Variants in PHLDB3 observed in about 807,000 individuals in gnomAD.
The protein encoded by PHLDB3 is pleckstrin homology-like domain family B member 3.
PHLDB3 carries 86 observed loss-of-function variants against 85.7 expected under a neutral mutation model. The observed-to-expected ratio is 1.00, with a 90% CI of 0.84 to 1.20. PHLDB3 has a LOEUF of 1.20. Ranked by LOEUF, PHLDB3 falls within the 50% of genes most tolerant of loss-of-function variation. PHLDB3 has a pLI of 0.00. For missense variants in PHLDB3, 995 were observed against 873.0 expected, an observed-to-expected ratio of 1.14 and a Z score of -1.76; for synonymous variants, 376 against 349.8, an observed-to-expected ratio of 1.07 and a Z score of -0.83.
At chr19:43,493,362 G>A (rs937947846) in intron 9 of PHLDB3, among the ~76,000 whole-genome samples, 6 of 150,972 alleles carry the variant, frequency 4.0e-5, no homozygotes, top group Admixed American at 6.6e-5. Context: ...GGACCCATGC[G>A]CGGTGGCTCA....
At chr19:43,502,646 G>A (rs1435088888) in intron 2 of PHLDB3, among the ~76,000 whole-genome samples, 9 of 144,414 alleles carry the variant, frequency 6.2e-5, no homozygotes, top group Non-Finnish European at 3.0e-5. Flanking sequence ...GGCAGAGAGG[G>A]GGCGATGCTA....
intron 3 of PHLDB3, 84 bp from the exon 4 acceptor site, chr19:43,501,955 G>A: frequency 1.3e-6 from 2 of 1,488,344 alleles, no homozygotes; most frequent in South Asian, 1.4e-5. Flanking sequence ...GATTCGAAGG[G>A]AGGATGGACT....
chr19:43,500,909 A>AC (rs1248570317), intron 4 of PHLDB3, among the ~76,000 whole-genome samples: 701 of 17,150 alleles, frequency 0.041, 77 homozygotes, highest in Admixed American at 0.04. Flanking sequence ...CGCCCCCCGT[A>AC]CCCCCCCCCC....
chr19:43,483,281 CT>C (rs995373217), intron 13 of PHLDB3, among the ~76,000 whole-genome samples: 163 of 145,146 alleles, frequency 1.1e-3, no homozygotes, highest in Admixed American at 1.2e-3. Context: ...ATCTATCATT[CT>C]TTTTTTTTTT....
intron 15 of PHLDB3, among the ~76,000 whole-genome samples, chr19:43,477,644 G>A (rs567690452): frequency 1.3e-5 from 2 of 150,124 alleles, no homozygotes; most frequent in Admixed American, 6.6e-5. Context: ...GTGAAACCCC[G>A]TCTCTACTAA....
At chr19:43,501,613 G>A (rs916697227) in intron 4 of PHLDB3, 121 bp downstream of exon 4, 1 of 1,474,474 alleles carries the variant, frequency 6.8e-7, no homozygotes, top group African/African-American at 1.4e-5. Context: ...ACTCTCTCAG[G>A]AGCCCAAATG....
intron 2 of PHLDB3, 122 bp from the exon 3 acceptor site, chr19:43,502,405 A>C: frequency 1.2e-6 from 1 of 803,306 alleles, no homozygotes; most frequent in Non-Finnish European, 1.9e-6. Context: ...CTTACCTAAC[A>C]CAACCACCAC....
Position 43,475,548 on chromosome 19 carries a change from G to A in PHLDB3, c.1789-4C>T. 1.1e-5 allele frequency: 17 copies of A among 1,613,822 alleles called. No individual in the cohort carries two copies. Among genetic ancestry groups the A allele is most frequent in the Non-Finnish European group, 1.4e-5 (17 of 1,179,826 alleles). Reference sequence around the variant, plus strand: ...AGGTCAGGCGGGGGTTGGGGCTCTGGAATAAGCAGAAAGTGAGGGTAATTC... The same window carrying A: ...AGGTCAGGCGGGGGTTGGGGCTCTGAAATAAGCAGAAAGTGAGGGTAATTC... On this transcript the variant is annotated splice_region_variant and splice_polypyrimidine_tract_variant and intron_variant, in intron 15 of 15. Transcript: ENST00000292140.
intron 15 of PHLDB3, 120 bp downstream of exon 15, chr19:43,477,927 T>C (rs1970961411): frequency 1.5e-6 from 1 of 663,218 alleles, no homozygotes; most frequent in Non-Finnish European, 2.6e-6. Context: ...CGTACTCCTA[T>C]GAGTACCCTG....
chr19:43,488,387 G>A (rs749506440), intron 9 of PHLDB3, among the ~76,000 whole-genome samples: 13 of 151,984 alleles, frequency 8.6e-5, no homozygotes, highest in Non-Finnish European at 1.3e-4. Context: ...AACCCCGGAG[G>A]TCAAGGTTGC....
intron 2 of PHLDB3, 88 bp downstream of exon 2, chr19:43,503,818 G>T: frequency 6.7e-7 from 1 of 1,485,360 alleles, no homozygotes; most frequent in Non-Finnish European, 9.2e-7. Flanking sequence ...TGTCTTTCTG[G>T]TTTCCCTCTA....
chr19:43,485,559 AT>A (rs754136421), intron 13 of PHLDB3, among the ~76,000 whole-genome samples: 682 of 132,328 alleles, frequency 5.2e-3, no homozygotes, highest in Middle Eastern at 9.6e-3. Flanking sequence ...TTTGGTTTTG[AT>A]TTTTTTTTTT....
intron 9 of PHLDB3, among the ~76,000 whole-genome samples, chr19:43,490,434 TC>T (rs1454357391): frequency 6.6e-6 from 1 of 151,914 alleles, no homozygotes; most frequent in Non-Finnish European, 1.5e-5. Context: ...ATGTCTGTAA[TC>T]CCAGCTACTT....
At chr19:43,487,672 G>A (rs1423015009) in intron 9 of PHLDB3, among the ~76,000 whole-genome samples, 5 of 151,972 alleles carry the variant, frequency 3.3e-5, no homozygotes, top group African/African-American at 9.7e-5. Context: ...TGCCCGGACT[G>A]GGGTAGATCG....
chr19:43,496,016 CTTTT>C (rs199561319), intron 6 of PHLDB3: 16 of 140,076 alleles, frequency 1.1e-4, no homozygotes, highest in East Asian at 2.1e-4. Flanking sequence ...AAGAAAAGCT[CTTTT>C]TTTTTTTTTT....
Position 43,487,062 on chromosome 19 carries a change from T to G in PHLDB3, c.1211A>C (p.Gln404Pro). Residue 404 changes from glutamine (Q) to proline (P), a missense_variant, in exon 10 of 16, where the codon CAG becomes CCG. Coordinates refer to ENST00000292140, the MANE Select transcript of PHLDB3 (RefSeq NM_198850.4). ...GGACAGAGGTCGGGGGGATCCTCTC[T>G]GGCTCCCCCTCTCCCCCCTTTTCCG... The part of the protein sequence containing the change: ...LPRKRGERGS[Q>P]RGSPRPLSFH... 1 of 1,579,468 alleles carries G rather than the reference T, an allele frequency of 6.3e-7. No homozygotes were observed. The highest frequency in any genetic ancestry group is 2.3e-5 in the East Asian group (1 of 43,728).
rs753039608 is a variant in PHLDB3 at position 43,501,233 on chromosome 19, G to A, written c.534+501C>T. Among the ~76,000 whole-genome samples the A allele has an allele frequency of 2.7e-3, 386 of 144,890 alleles. 1 individual carries two copies. Among genetic ancestry groups the A allele is most frequent in the Non-Finnish European group, 4.9e-3 (326 of 66,930 alleles). ...CTCCTTCTTGTCACGCAGGCTGCTG[G>A]AGTGCAATGGTGCGATCTTGGCTCA... On this transcript the variant is annotated intron_variant, in intron 4 of 15. Transcript: ENST00000292140.
In PHLDB3 at chr19:43,501,969, G is replaced by A. The variant is rs1599963737; in HGVS notation, c.397-98C>T. On this transcript the variant is annotated intron_variant, in intron 3 of 15. Coordinates refer to ENST00000292140, the MANE Select transcript of PHLDB3 (RefSeq NM_198850.4). The stretch of plus-strand genomic sequence containing the variant: ...GGATTCGAAGGGAGGATGGACTCCA[G>A]GGACCTGAATTTGGAGGGAGGAAGA... 2.0e-6 allele frequency: 3 copies of A among 1,485,364 alleles called. No homozygotes were observed. The East Asian group carries it at 7.4e-5, about 37-fold the overall frequency. 92.0% of individuals were successfully genotyped at this position (1,485,364 alleles called of 1,614,324 possible).
intron 4 of PHLDB3, among the ~76,000 whole-genome samples, chr19:43,500,997 T>C (rs906664065): frequency 1.4e-5 from 2 of 147,802 alleles, no homozygotes; most frequent in Non-Finnish European, 3.0e-5. Flanking sequence ...AATGATACAC[T>C]CTAAACATAT....
Sources: allele counts gnomAD v4.1 joint callset (sites outside exome capture counted in the v4.1 genomes callset), GRCh38; gene constraint gnomAD v4.1.1; transcripts MANE v1.5; gene names NCBI Gene and HGNC (gene_info 2026-07-23, HGNC 2026-07-21).